Variants in CREBRF observed in about 807,000 individuals in gnomAD.
CREBRF encodes the protein UPF0474 protein C5orf41.
A neutral mutation model predicts 66.1 loss-of-function variants in CREBRF; 5 were observed. That is an observed-to-expected ratio of 0.08 (90% CI 0.04 to 0.16). The LOEUF is 0.16. CREBRF is among the 10% of genes least tolerant of loss of function. The probability of loss-of-function intolerance (pLI) is 1.00; values close to 1 mark genes in which losing one functional copy is unlikely to be tolerated. For synonymous variants in CREBRF, 229 were observed against 264.4 expected (o/e 0.87, Z 1.30); for missense variants, 531 against 744.9 (o/e 0.71, Z 3.34).
Position 173,091,215 on chromosome 5 carries a change from G to T in CREBRF, c.1036G>T (p.Gly346Cys). 6.2e-7 allele frequency: 1 copy of T among 1,614,114 alleles called. No homozygotes were observed. Reference sequence around the variant, plus strand: ...TTCTCTTTTTGTCTCCGACAACTTGGGTGAACAGCCAACTAAATGCAGTCC... The same window carrying T: ...TTCTCTTTTTGTCTCCGACAACTTGTGTGAACAGCCAACTAAATGCAGTCC... The part of the protein sequence containing the change: ...NYSLFVSDNL[G>C]EQPTKCSPEE... Residue 346 changes from glycine (G) to cysteine (C), a missense_variant, in exon 4 of 9, where the codon GGT (glycine) becomes TGT (cysteine). Around this residue, in one of 5 missense-constraint regions of CREBRF, gnomAD observed 309 missense variants for 341.4 expected, o/e 0.90. Transcript: ENST00000296953.
chr5:173,108,913 C>T (rs1016960934), intron 5 of CREBRF, 95 bp downstream of exon 5: 2 of 1,133,154 alleles, frequency 1.8e-6, no homozygotes, highest in African/African-American at 3.1e-5. Context: ...GCATTCAGCC[C>T]TTCCTAGCAA....
intron 8 of CREBRF, 72 bp from the exon 9 acceptor site, chr5:173,133,558 T>C (rs1049192928): frequency 2.5e-6 from 2 of 802,742 alleles, no homozygotes; most frequent in Non-Finnish European, 4.1e-6. Context: ...CCTCAGTTTT[T>C]ACCAGCTCCT....
intron 2 of CREBRF, chr5:173,085,536 C>T: frequency 1.8e-6 from 1 of 548,844 alleles, no homozygotes; most frequent in South Asian, 2.1e-5. Context: ...CCTACCTCAG[C>T]CTCCTGAGTA....
At position 173,091,142 on chromosome 5, in the gene CREBRF, C is replaced by T. The variant is rs778061193; in HGVS notation, c.963C>T (p.Ala321=). The T allele has an allele frequency of 4.3e-6, 7 of 1,614,076 alleles. No individual in the cohort carries two copies. The highest frequency in any genetic ancestry group is 5.1e-6 in the Non-Finnish European group (6 of 1,180,058). ...CAGGAGAGAGCAGCAGTCTTTCTGCCAGTACATCAGTCTCAGATTCATCCC... is the reference window on the plus strand; with the variant it reads ...CAGGAGAGAGCAGCAGTCTTTCTGCTAGTACATCAGTCTCAGATTCATCCC... ...LAAGESSSLS[A]STSVSDSSQK... is the part of the protein sequence containing the mutation. The change falls in exon 4 of 9, where the codon GCC becomes GCT. Residue 321 remains alanine (A), a synonymous_variant. Transcript: ENST00000296953.
At chr5:173,097,900 TCTTC>T (rs1205467917) in intron 4 of CREBRF, among the ~76,000 whole-genome samples, 2 of 152,146 alleles carry the variant, frequency 1.3e-5, no homozygotes, top group Non-Finnish European at 2.9e-5. Context: ...TTTGTTATTT[TCTTC>T]CTTCTGCTAA....
chr5:173,091,193 T>A lies in CREBRF; in HGVS notation c.1014T>A (p.Ser338=), dbSNP rs1013089406. Residue 338 remains serine, a synonymous_variant, in exon 4 of 9, where the codon TCT becomes TCA. Transcript: ENST00000296953. ...AGAAAAAAGAAGAGCACAATTATTCTCTTTTTGTCTCCGACAACTTGGGTG... is the reference window on the plus strand; with the variant it reads ...AGAAAAAAGAAGAGCACAATTATTCACTTTTTGTCTCCGACAACTTGGGTG... ...SSQKKEEHNY[S]LFVSDNLGEQ... The A allele has an allele frequency of 2.5e-6, 4 of 1,614,036 alleles. No individual in the cohort carries two copies. The African/African-American group carries it at 5.3e-5, about 22-fold the overall frequency.
intron 8 of CREBRF, among the ~76,000 whole-genome samples, chr5:173,126,341 A>G (rs1367841782): frequency 6.6e-6 from 1 of 152,158 alleles, no homozygotes; most frequent in African/African-American, 2.4e-5. Flanking sequence ...GGGTTTCACC[A>G]TGTTGGCCAG....
intron 7 of CREBRF, among the ~76,000 whole-genome samples, chr5:173,112,949 C>T (rs1170921569): frequency 6.6e-6 from 1 of 152,156 alleles, no homozygotes; most frequent in Non-Finnish European, 1.5e-5. Context: ...AGATTGTGTA[C>T]AAGTAGAACT....
intron 4 of CREBRF, among the ~76,000 whole-genome samples, chr5:173,094,149 G>A (rs1758418782): frequency 6.6e-6 from 1 of 152,136 alleles, no homozygotes; most frequent in Non-Finnish European, 1.5e-5. Context: ...GTGGGCATGT[G>A]CGTATAACTC....
chr5:173,077,980 AGTTGT>A (rs1156499656), intron 1 of CREBRF, among the ~76,000 whole-genome samples: 3 of 151,988 alleles, frequency 2.0e-5, no homozygotes, highest in Non-Finnish European at 4.4e-5. Context: ...TGGACACTTG[AGTTGT>A]GTTTACCTTT....
At chr5:173,067,565 A>T (rs1757469116) in intron 1 of CREBRF, among the ~76,000 whole-genome samples, 1 of 152,216 alleles carries the variant, frequency 6.6e-6, no homozygotes, top group Admixed American at 6.5e-5. Flanking sequence ...ATCAAATTTT[A>T]TATGAAATTT....
In CREBRF at chr5:173,060,412, G is replaced by A. The variant is rs886093746; in HGVS notation, c.-192+3933G>A. 3.3e-5 allele frequency: 5 copies of A among 152,048 alleles called. No homozygotes were observed. The South Asian group carries it at 1.0e-3, about 32-fold the overall frequency. 9.4% of individuals were successfully genotyped at this position (152,048 alleles called of 1,614,324 possible). ...TGCTCAGCTAATTTTTGTATTTTCA[G>A]TAGAGACAAGGTTTCACCAAGTTGG... On this transcript the variant is annotated intron_variant, in intron 1 of 8. Coordinates refer to ENST00000296953, the MANE Select transcript of CREBRF (RefSeq NM_153607.3).
intron 6 of CREBRF, among the ~76,000 whole-genome samples, chr5:173,111,273 C>G (rs1194358291): frequency 6.6e-6 from 1 of 151,896 alleles, no homozygotes; most frequent in Non-Finnish European, 1.5e-5. Flanking sequence ...TTGATTGAAC[C>G]TGTCTTCCTT....
At chr5:173,129,412 G>T (rs530992971) in intron 8 of CREBRF, among the ~76,000 whole-genome samples, 1 of 152,136 alleles carries the variant, frequency 6.6e-6, no homozygotes, top group African/African-American at 2.4e-5. Flanking sequence ...CACCGCGCCC[G>T]GCCAGTTACA....
intron 1 of CREBRF, among the ~76,000 whole-genome samples, chr5:173,066,833 T>TGA (rs1757449581): frequency 1.8e-5 from 2 of 108,550 alleles, no homozygotes; most frequent in Non-Finnish European, 3.9e-5. Flanking sequence ...TTTTTTTTTT[T>TGA]GAGACAGGGT....
chr5:173,070,481 C>T (rs1211860942), intron 1 of CREBRF, among the ~76,000 whole-genome samples: 2 of 151,996 alleles, frequency 1.3e-5, no homozygotes, highest in Non-Finnish European at 1.5e-5. Context: ...GTTTATCTTC[C>T]TGCTTTGTAG....
chr5:173,123,064 T>C lies in CREBRF; in HGVS notation c.1682-16T>C. On this transcript the variant is annotated splice_polypyrimidine_tract_variant and intron_variant, in intron 7 of 8. Coordinates refer to ENST00000296953, the MANE Select transcript of CREBRF (RefSeq NM_153607.3). ...ATGGTAGTGACATATTCCAAGTGTT[T>C]TGTTCTGTCTTACAGATAATTTATT... The C allele has an allele frequency of 6.4e-7, 1 of 1,570,216 alleles. No homozygotes were observed. The highest frequency in any genetic ancestry group is 8.6e-7 in the Non-Finnish European group (1 of 1,166,614).
intron 1 of CREBRF, among the ~76,000 whole-genome samples, chr5:173,063,529 A>G (rs1757344799): frequency 6.6e-6 from 1 of 151,856 alleles, no homozygotes; most frequent in Non-Finnish European, 1.5e-5. Flanking sequence ...CACCACACTC[A>G]GCTAATTTTT....
Position 173,135,334 on chromosome 5 carries a change from C to A in CREBRF, c.*1589C>A, listed in dbSNP as rs572617756. The stretch of plus-strand genomic sequence containing the variant: ...TAGTTTTTAGGTGCTCTTTTTTGCT[C>A]ATATAAAACAGCTTCATTAGTCAGT... On this transcript the variant is annotated 3_prime_UTR_variant, in exon 9 of 9. Coordinates refer to ENST00000296953, the MANE Select transcript of CREBRF (RefSeq NM_153607.3). The A allele has an allele frequency of 6.6e-6, 1 of 152,456 alleles. No individual in the cohort carries two copies. Among genetic ancestry groups the A allele is most frequent in the South Asian group, 2.1e-4 (1 of 4,826 alleles). The allele number at this position is 152,456 out of a possible 1,614,324, so 9.4% of individuals were successfully genotyped here. A position where few individuals can be genotyped will look rare whatever the true frequency, so the allele number is the denominator to read the frequency against.
Sources: allele counts gnomAD v4.1 joint callset (sites outside exome capture counted in the v4.1 genomes callset), GRCh38; gene constraint gnomAD v4.1.1; regional missense constraint gnomAD v4.1.1; transcripts MANE v1.5; gene names NCBI Gene and HGNC (gene_info 2026-07-23, HGNC 2026-07-21).